The following ZC3H12A variants were observed in gnomAD, a reference collection of about 807,000 sequenced individuals.
ZC3H12A encodes endoribonuclease ZC3H12A.
In ZC3H12A, 9 loss-of-function variants were observed where a neutral mutation model predicts 29.9. The observed-to-expected ratio is 0.30, with a 90% CI of 0.18 to 0.53. The LOEUF is 0.53. Ranked by LOEUF, ZC3H12A falls within the 20% of genes least tolerant of loss-of-function variation. ZC3H12A has a pLI of 0.96. For synonymous variants in ZC3H12A, 323 were observed against 338.1 expected, an observed-to-expected ratio of 0.96 and a Z score of 0.49; for missense variants, 617 against 799.0, an observed-to-expected ratio of 0.77 and a Z score of 2.75.
In ZC3H12A at chr1:37,483,386, A is replaced by G. The variant is rs1190211070; in HGVS notation, c.1575A>G (p.Thr525=). Residue 525 remains threonine (T), a synonymous_variant, in exon 6 of 6, where the codon ACA becomes ACG. Coordinates refer to ENST00000373087, the MANE Select transcript of ZC3H12A (RefSeq NM_025079.3). The part of the protein sequence containing the change: ...WSEPYPLPPP[T]SVLQEPPVQS... ...AACCATACCCACTGCCCCCACCCAC[A>G]TCAGTCCTTCAGGAGCCCCCAGTGC... is the stretch of plus-strand genomic sequence containing the variant. 2 of 1,613,688 alleles carry G rather than the reference A, an allele frequency of 1.2e-6. No homozygotes were observed. Among genetic ancestry groups the G allele is most frequent in the Admixed American group, 1.7e-5 (1 of 59,988 alleles).
intron 1 of ZC3H12A, 45 bp downstream of exon 1, chr1:37,474,674 A>G (rs1024112412): frequency 2.1e-5 from 3 of 140,992 alleles, no homozygotes; most frequent in African/African-American, 7.9e-5. Context: ...GGGAAGCGGC[A>G]GGGAGCGCTC....
chr1:37,475,521 C>A lies in ZC3H12A; in HGVS notation c.25C>A (p.Pro9Thr). The stretch of plus-strand genomic sequence containing the variant: ...TATGAGTGGCCCCTGTGGAGAGAAG[C>A]CTGTCCTGGAAGCCAGCCCCACCAT... MSGPCGEK[P>T]VLEASPTMSL... The change falls in exon 2 of 6, where the codon CCT (proline) becomes ACT (threonine). Residue 9 changes from proline to threonine, a missense_variant. By Grantham distance (38) the Pro-to-Thr change is conservative (BLOSUM62 -1). Transcript: ENST00000373087. This position sits in a 1 kb window ranked among gnomAD's most constrained non-coding sequence, Gnocchi z 5.2. 1 of 1,610,840 alleles carries A rather than the reference C, an allele frequency of 6.2e-7. No homozygotes were observed. Among genetic ancestry groups the A allele is most frequent in the Non-Finnish European group, 8.5e-7 (1 of 1,178,592 alleles).
At chr1:37,481,513 T>C (rs1354361381) in intron 3 of ZC3H12A, 88 bp from the exon 4 acceptor site, 25 of 1,310,028 alleles carry the variant, frequency 1.9e-5, no homozygotes. Context: ...ACCACTCCTG[T>C]GTGTGGCCAT....
In ZC3H12A at chr1:37,479,045, T is replaced by G; in HGVS notation, c.444-1245T>G. The G allele has an allele frequency of 1.0e-6, 1 of 983,622 alleles. No individual in the cohort carries two copies. The highest frequency in any genetic ancestry group is 1.2e-6 in the Non-Finnish European group (1 of 829,502). 60.9% of individuals were successfully genotyped at this position (983,622 alleles called of 1,614,324 possible). ...AGGGCTCCAGCTATCACCCCTTACC[T>G]CCCCCACTCCCATTAAAGACACCCA... On this transcript the variant is annotated intron_variant, in intron 2 of 5. Coordinates refer to ENST00000373087, the MANE Select transcript of ZC3H12A (RefSeq NM_025079.3). This position sits in a 1 kb window ranked among gnomAD's most constrained non-coding sequence, Gnocchi z 4.5.
At position 37,478,952 on chromosome 1, in the gene ZC3H12A, GC is replaced by G. The variant is rs1366565826; in HGVS notation, c.444-1334del. 1 of 985,130 alleles carries G rather than the reference GC, an allele frequency of 1.0e-6. No homozygotes were observed. The highest frequency in any genetic ancestry group is 1.2e-6 in the Non-Finnish European group (1 of 829,902). 61.0% of individuals were successfully genotyped at this position (985,130 alleles called of 1,614,324 possible). ...AATTTAGAGACCTTCAGACCCTGGT[GC>G]CCCAGTCTTGCCCCCAAATAGCCTC... On this transcript the variant is annotated intron_variant, in intron 2 of 5. Transcript: ENST00000373087. The surrounding 1 kb of genome is among the most constrained non-coding windows in gnomAD (Gnocchi z 5.2).
In ZC3H12A at chr1:37,483,073, T is replaced by A; in HGVS notation, c.1262T>A (p.Leu421His). The A allele has an allele frequency of 6.2e-7, 1 of 1,610,072 alleles. No homozygotes were observed. The highest frequency in any genetic ancestry group is 8.5e-7 in the Non-Finnish European group (1 of 1,178,620). ...SGSSFGPTDW[L>H]PQTLDSLPYV... ...AGCAGCTTTGGGCCCACAGACTGGC[T>A]CCCACAGACGCTGGACTCACTCCCG... Residue 421 changes from leucine (L) to histidine (H), a missense_variant, in exon 6 of 6, where the codon CTC (leucine) becomes CAC (histidine). Transcript: ENST00000373087.
intron 2 of ZC3H12A, among the ~76,000 whole-genome samples, chr1:37,477,467 C>T (rs552674145): frequency 3.9e-5 from 6 of 152,280 alleles, no homozygotes; most frequent in South Asian, 2.1e-4. Flanking sequence ...AGCTGCTACT[C>T]GGTTCCTGCC....
intron 4 of ZC3H12A, 24 bp from the exon 5 acceptor site, chr1:37,482,410 G>T: frequency 6.3e-7 from 1 of 1,596,394 alleles, no homozygotes. Context: ...CCCACCTCCA[G>T]AGAGTTCTTT....
At chr1:37,482,630 C>T (rs769604990) in intron 5 of ZC3H12A, 90 bp downstream of exon 5, 37 of 1,607,930 alleles carry the variant, frequency 2.3e-5, no homozygotes, top group Admixed American at 3.3e-5. Context: ...TCTTGGGGAC[C>T]TCCACCATTG....
chr1:37,474,708 GGGGAGGGGAC>G (rs1397260451), intron 1 of ZC3H12A, 79 bp downstream of exon 1: 6 of 152,828 alleles, frequency 3.9e-5, no homozygotes, highest in South Asian at 2.0e-4. Flanking sequence ...GCCGAGCCGA[GGGGAGGGGAC>G]GGGAGGGGAC....
In ZC3H12A at chr1:37,483,326, G is replaced by T. The variant is rs367881286; in HGVS notation, c.1515G>T (p.Ala505=). 1.9e-6 allele frequency: 3 copies of T among 1,613,856 alleles called. No homozygotes were observed. Among genetic ancestry groups the T allele is most frequent in the Non-Finnish European group, 2.5e-6 (3 of 1,179,968 alleles). The change falls in exon 6 of 6, where the codon GCG becomes GCT. Residue 505 remains alanine (A), a synonymous_variant. Coordinates refer to ENST00000373087, the MANE Select transcript of ZC3H12A (RefSeq NM_025079.3). ...GTGTCCCTGCCGACTACCCACCCGCGCCCCCTGCCTTTCCACCTCGAGAGT... is the reference window on the plus strand; with the variant it reads ...GTGTCCCTGCCGACTACCCACCCGCTCCCCCTGCCTTTCCACCTCGAGAGT... The part of the protein sequence containing the change: ...HFSVPADYPP[A]PPAFPPREYW...
In ZC3H12A at chr1:37,475,534, C is replaced by A. The variant is rs143022543; in HGVS notation, c.38C>A (p.Ala13Asp). ...GPCGEKPVLE[A>D]SPTMSLWEFE... ...TGTGGAGAGAAGCCTGTCCTGGAAG[C>A]CAGCCCCACCATGAGTCTGTGGGAA... The change falls in exon 2 of 6, where the codon GCC becomes GAC. Residue 13 changes from alanine to aspartate, a missense_variant. Transcript: ENST00000373087. The surrounding 1 kb of genome is among the most constrained non-coding windows in gnomAD (Gnocchi z 5.2). 1 of 1,612,506 alleles carries A rather than the reference C, an allele frequency of 6.2e-7. No individual in the cohort carries two copies. Among genetic ancestry groups the A allele is most frequent in the Non-Finnish European group, 8.5e-7 (1 of 1,179,376 alleles).
chr1:37,476,866 C>T lies in ZC3H12A; in HGVS notation c.443+927C>T, dbSNP rs956897041. On this transcript the variant is annotated intron_variant, in intron 2 of 5. Transcript: ENST00000373087. The surrounding 1 kb of genome is among the most constrained non-coding windows in gnomAD (Gnocchi z 6.0). ...TTCCTGTTGGCATGGACGGGGAGAC[C>T]CCAGACACAGGGTTGAGAAGGGATG... Among the ~76,000 whole-genome samples the T allele has an allele frequency of 7.9e-5, 12 of 152,188 alleles. No individual in the cohort carries two copies. Among genetic ancestry groups the T allele is most frequent in the Admixed American group, 2.0e-4 (3 of 15,288 alleles).
chr1:37,480,299 C>T lies in ZC3H12A; in HGVS notation c.453C>T (p.Asn151=). The T allele has an allele frequency of 6.2e-7, 1 of 1,613,272 alleles. No individual in the cohort carries two copies. The highest frequency in any genetic ancestry group is 8.5e-7 in the Non-Finnish European group (1 of 1,179,468). The change falls in exon 3 of 6, where the codon AAC becomes AAT. Residue 151 remains asparagine, a synonymous_variant. Transcript: ENST00000373087. ...DGSNVAMSHG[N]KEVFSCRGIL... ...GTCCTCTCCCTCCCAGCCATGGGAA[C>T]AAGGAGGTCTTCTCCTGCCGGGGCA...
At position 37,478,620 on chromosome 1, in the gene ZC3H12A, C is replaced by T. The variant is rs535327118; in HGVS notation, c.444-1670C>T. ...GCCTTCGTACCTGCCTGAGCATTGA[C>T]GTACAGGGTAGTGATAAGCATAGGC... On this transcript the variant is annotated intron_variant, in intron 2 of 5. Coordinates refer to ENST00000373087, the MANE Select transcript of ZC3H12A (RefSeq NM_025079.3). The surrounding 1 kb of genome is among the most constrained non-coding windows in gnomAD (Gnocchi z 5.2). Among the ~76,000 whole-genome samples the T allele has an allele frequency of 2.2e-4, 33 of 152,328 alleles. No individual in the cohort carries two copies. The highest frequency in any genetic ancestry group is 7.7e-4 in the African/African-American group (32 of 41,568).
In ZC3H12A at chr1:37,478,900, C is replaced by T; in HGVS notation, c.444-1390C>T. On this transcript the variant is annotated intron_variant, in intron 2 of 5. Coordinates refer to ENST00000373087, the MANE Select transcript of ZC3H12A (RefSeq NM_025079.3). This position sits in a 1 kb window ranked among gnomAD's most constrained non-coding sequence, Gnocchi z 5.2. ...GAGGGACCGGGAAGGATGAGTGCTG[C>T]CCTGGGCTGGACTTTGTCTCCCCTA... 2 of 985,268 alleles carry T rather than the reference C, an allele frequency of 2.0e-6. No individual in the cohort carries two copies. The highest frequency in any genetic ancestry group is 2.4e-6 in the Non-Finnish European group (2 of 829,878). 61.0% of individuals were successfully genotyped at this position (985,268 alleles called of 1,614,324 possible). A position where few individuals can be genotyped will look rare whatever the true frequency, so the allele number is the denominator to read the frequency against.
In ZC3H12A at chr1:37,479,702, GC is replaced by G. The variant is rs932233074; in HGVS notation, c.444-584del. 1 of 985,270 alleles carries G rather than the reference GC, an allele frequency of 1.0e-6. No homozygotes were observed. The highest frequency in any genetic ancestry group is 1.2e-6 in the Non-Finnish European group (1 of 829,928). The allele number at this position is 985,270 out of a possible 1,614,324, so 61.0% of individuals were successfully genotyped here. On this transcript the variant is annotated intron_variant, in intron 2 of 5. Coordinates refer to ENST00000373087, the MANE Select transcript of ZC3H12A (RefSeq NM_025079.3). This position sits in a 1 kb window ranked among gnomAD's most constrained non-coding sequence, Gnocchi z 4.5. ...GCCCCTTCCCCTTTGCCTTTCTCAG[GC>G]CCCAGTCCCTGAGGTGTGTGTGAGG...
At position 37,476,840 on chromosome 1, in the gene ZC3H12A, G is replaced by C. The variant is rs149063270; in HGVS notation, c.443+901G>C. 1.1e-3 allele frequency among the ~76,000 whole-genome samples: 164 copies of C among 152,358 alleles called. No homozygotes were observed. The highest frequency in any genetic ancestry group is 1.8e-3 in the Non-Finnish European group (123 of 68,038). On this transcript the variant is annotated intron_variant, in intron 2 of 5. Coordinates refer to ENST00000373087, the MANE Select transcript of ZC3H12A (RefSeq NM_025079.3). The surrounding 1 kb of genome is among the most constrained non-coding windows in gnomAD (Gnocchi z 6.0). ...CTGGGTGGATGGCTCACAGGGAAAA[G>C]TTCCTGTTGGCATGGACGGGGAGAC...
At position 37,478,806 on chromosome 1, in the gene ZC3H12A, T is replaced by G. The variant is rs903487915; in HGVS notation, c.444-1484T>G. ...CTGATGATTCAGTGTTAGACACTTA[T>G]AACAGGGCCTGGTTCACAGCTCTCA... On this transcript the variant is annotated intron_variant, in intron 2 of 5. Coordinates refer to ENST00000373087, the MANE Select transcript of ZC3H12A (RefSeq NM_025079.3). This position sits in a 1 kb window ranked among gnomAD's most constrained non-coding sequence, Gnocchi z 5.2. The G allele has an allele frequency of 1.0e-6, 1 of 981,210 alleles. No individual in the cohort carries two copies. The highest frequency in any genetic ancestry group is 1.8e-5 in the African/African-American group (1 of 57,130). 60.8% of individuals were successfully genotyped at this position (981,210 alleles called of 1,614,324 possible). A position where few individuals can be genotyped will look rare whatever the true frequency, so the allele number is the denominator to read the frequency against.
Sources: allele counts gnomAD v4.1 joint callset (sites outside exome capture counted in the v4.1 genomes callset), GRCh38; gene constraint gnomAD v4.1.1; non-coding constraint Gnocchi (gnomAD v3.1); transcripts MANE v1.5; gene names NCBI Gene and HGNC (gene_info 2026-07-23, HGNC 2026-07-21).